The following CFAP221 variants were observed in gnomAD, a reference collection of about 807,000 sequenced individuals.
CFAP221 encodes cilia- and flagella-associated protein 221.
Under a neutral mutation model 113.1 loss-of-function variants are expected in CFAP221, and 97 were observed. That is an observed-to-expected ratio of 0.86 (90% CI 0.73 to 1.02). The LOEUF is 1.02. CFAP221 is among the 50% of genes least tolerant of loss of function. The pLI, the probability that CFAP221 is intolerant of heterozygous loss-of-function variation, is 0.00. For synonymous variants in CFAP221, 331 were observed against 354.4 expected (o/e 0.93, Z 0.74); for missense variants, 1,025 against 1,013.4 (o/e 1.01, Z -0.16).
intron 21 of CFAP221, among the ~76,000 whole-genome samples, chr2:119,642,533 CTTTTTTTTTT>C (rs56224952): frequency 1.8e-5 from 1 of 54,660 alleles, no homozygotes; most frequent in African/African-American, 7.2e-5. Context: ...GCTCTCAGGC[CTTTTTTTTTT>C]TTTTTTTTTT....
At chr2:119,544,854 CCGGCGTGTGGG>C (rs1196933843) in intron 1 of CFAP221, among the ~76,000 whole-genome samples, 2 of 152,050 alleles carry the variant, frequency 1.3e-5, no homozygotes, top group Non-Finnish European at 2.9e-5. Flanking sequence ...GGTGGGCGAG[CCGGCGTGTGGG>C]CGGCGTGGAG....
intron 6 of CFAP221, among the ~76,000 whole-genome samples, chr2:119,569,556 A>G (rs1257925089): frequency 6.6e-6 from 1 of 151,800 alleles, no homozygotes; most frequent in Non-Finnish European, 1.5e-5. Context: ...TATGGAAATT[A>G]TTAGGCATTG....
At position 119,656,300 on chromosome 2, in the gene CFAP221, G is replaced by A. The variant is rs955791893; in HGVS notation, c.2415-62G>A. On this transcript the variant is annotated intron_variant, in intron 23 of 23. Transcript: ENST00000413369. ...ACCTTCACCAGCACTGCTGGCGGGG[G>A]GTGATTTGCGTGGTTTTATTAAGTG... is the stretch of plus-strand genomic sequence containing the variant. 15 of 1,320,548 alleles carry A rather than the reference G, an allele frequency of 1.1e-5. No individual in the cohort carries two copies. In the South Asian group the frequency reaches 1.7e-4, roughly 15 times the overall value. The allele number at this position is 1,320,548 out of a possible 1,614,324, so 81.8% of individuals were successfully genotyped here. A position where few individuals can be genotyped will look rare whatever the true frequency, so the allele number is the denominator to read the frequency against.
intron 3 of CFAP221, among the ~76,000 whole-genome samples, chr2:119,559,060 C>T (rs1681030702): frequency 6.6e-6 from 1 of 152,174 alleles, no homozygotes; most frequent in Non-Finnish European, 1.5e-5. Flanking sequence ...ATTCAAAATT[C>T]TTGTGTCCCT....
At chr2:119,561,182 C>T (rs965862407) in intron 5 of CFAP221, among the ~76,000 whole-genome samples, 6 of 151,714 alleles carry the variant, frequency 4.0e-5, no homozygotes, top group Admixed American at 3.9e-4. Context: ...CCCAGCTACT[C>T]GGGAGGCTGA....
chr2:119,632,808 A>C (rs1397992422), intron 19 of CFAP221, among the ~76,000 whole-genome samples: 1 of 152,164 alleles, frequency 6.6e-6, no homozygotes, highest in Admixed American at 6.5e-5. Flanking sequence ...ATGCAGAATC[A>C]CCATATAAAA....
At chr2:119,606,384 G>A (rs985145650) in intron 11 of CFAP221, among the ~76,000 whole-genome samples, 5 of 151,866 alleles carry the variant, frequency 3.3e-5, no homozygotes, top group East Asian at 1.9e-4. Context: ...CACCCTTCCC[G>A]ACACATGAGA....
intron 14 of CFAP221, among the ~76,000 whole-genome samples, chr2:119,621,009 C>T (rs189828304): frequency 5.9e-5 from 9 of 151,512 alleles, no homozygotes; most frequent in Non-Finnish European, 1.2e-4. Context: ...CGGATCACCT[C>T]AGGTCGGGAG....
intron 6 of CFAP221, among the ~76,000 whole-genome samples, chr2:119,577,980 G>T (rs112848217): frequency 6.6e-6 from 1 of 152,188 alleles, no homozygotes; most frequent in Non-Finnish European, 1.5e-5. Context: ...TCCATGCACA[G>T]CCAGCTAGGG....
rs141468698 is a variant in CFAP221, at chr2:119,631,445, G to A, written c.1974+544G>A. On this transcript the variant is annotated intron_variant, in intron 19 of 23. Coordinates refer to ENST00000413369, the MANE Select transcript of CFAP221 (RefSeq NM_001271049.2). Reference sequence around the variant, plus strand: ...TCCCAACACTTTAGGAAGCCAAGCCGGCAGATCATTTGAGGTCAGGAGTTT... The same window carrying A: ...TCCCAACACTTTAGGAAGCCAAGCCAGCAGATCATTTGAGGTCAGGAGTTT... 3.3e-5 allele frequency among the ~76,000 whole-genome samples: 5 copies of A among 152,322 alleles called. No individual in the cohort carries two copies. In the East Asian group the frequency reaches 7.7e-4, roughly 23 times the overall value.
At chr2:119,608,447 G>A (rs553476454) in intron 11 of CFAP221, 55 bp from the exon 12 acceptor site, 1 of 1,332,832 alleles carries the variant, frequency 7.5e-7, no homozygotes, top group African/African-American at 1.5e-5. Context: ...CCATCCTAAA[G>A]TTGACTCTGG....
intron 16 of CFAP221, 99 bp from the exon 17 acceptor site, chr2:119,629,776 A>G: frequency 1.6e-5 from 15 of 952,192 alleles, no homozygotes; most frequent in Non-Finnish European, 2.4e-5. Context: ...CTCTGAGAGT[A>G]GAACTGGTCA....
At chr2:119,629,553 G>A (rs1345768545) in intron 16 of CFAP221, among the ~76,000 whole-genome samples, 1 of 152,124 alleles carries the variant, frequency 6.6e-6, no homozygotes, top group Non-Finnish European at 1.5e-5. Flanking sequence ...CCCCCAAGAG[G>A]TGTTTCTATC....
chr2:119,624,296 A>G (rs980463037), intron 14 of CFAP221, among the ~76,000 whole-genome samples: 3 of 152,256 alleles, frequency 2.0e-5, no homozygotes, highest in African/African-American at 7.2e-5. Context: ...TCATTAGGGA[A>G]ATGCAAATCA....
At chr2:119,645,560 C>T (rs553639662) in intron 21 of CFAP221, among the ~76,000 whole-genome samples, 1 of 151,934 alleles carries the variant, frequency 6.6e-6, no homozygotes, top group Admixed American at 6.6e-5. Flanking sequence ...TCATTCTCTT[C>T]CCATTAGTCA....
chr2:119,548,987 A>G, intron 2 of CFAP221, 98 bp from the exon 3 acceptor site: 1 of 751,382 alleles, frequency 1.3e-6, no homozygotes, highest in Non-Finnish European at 2.0e-6. Context: ...TATGCTTAAA[A>G]TGCCCTAAAT....
intron 6 of CFAP221, among the ~76,000 whole-genome samples, chr2:119,564,146 G>A (rs1444545423): frequency 6.6e-6 from 1 of 152,206 alleles, no homozygotes; most frequent in Admixed American, 6.5e-5. Context: ...GTTAGAAAGA[G>A]CAGCCACAGA....
intron 6 of CFAP221, among the ~76,000 whole-genome samples, chr2:119,564,355 A>G (rs540519924): frequency 6.6e-6 from 1 of 152,228 alleles, no homozygotes; most frequent in Non-Finnish European, 1.5e-5. Context: ...CTCTCTGCTT[A>G]CTTTTGTTTT....
At chr2:119,627,849 A>G (rs1686449269) in intron 16 of CFAP221, 63 bp downstream of exon 16, 1 of 1,592,762 alleles carries the variant, frequency 6.3e-7, no homozygotes, top group Admixed American at 1.7e-5. Context: ...GGGCAGATAC[A>G]AGGCAAGCCC....
Sources: allele counts gnomAD v4.1 joint callset (sites outside exome capture counted in the v4.1 genomes callset), GRCh38; gene constraint gnomAD v4.1.1; transcripts MANE v1.5; gene names NCBI Gene and HGNC (gene_info 2026-07-23, HGNC 2026-07-21).